Variants in TMEM163 observed in about 807,000 individuals in gnomAD.
The protein encoded by TMEM163 is transmembrane protein 163.
TMEM163 carries 17 observed loss-of-function variants against 29.3 expected under a neutral mutation model. The ratio of observed to expected loss-of-function variants is 0.58; its 90% CI spans 0.40 to 0.87. The LOEUF (loss-of-function observed/expected upper bound fraction) is 0.87. TMEM163 is among the 40% of genes least tolerant of loss of function. The probability of loss-of-function intolerance (pLI) is 0.00; values close to 1 mark genes in which losing one functional copy is unlikely to be tolerated. For synonymous variants in TMEM163, 157 were observed against 160.6 expected, an observed-to-expected ratio of 0.98 and a Z score of 0.17; for missense variants, 303 against 381.5, an observed-to-expected ratio of 0.79 and a Z score of 1.71.
intron 4 of TMEM163, among the ~76,000 whole-genome samples, chr2:134,503,249 T>C (rs1320693985): frequency 6.6e-6 from 1 of 152,182 alleles, no homozygotes; most frequent in African/African-American, 2.4e-5. Flanking sequence ...CAGCATACCA[T>C]GAATGCTGTC....
chr2:134,488,522 G>T (rs112566122), intron 5 of TMEM163, among the ~76,000 whole-genome samples: 10 of 152,104 alleles, frequency 6.6e-5, no homozygotes, highest in Non-Finnish European at 1.0e-4. Context: ...TCAGGTCTTC[G>T]GCCACAGACT....
intron 2 of TMEM163, among the ~76,000 whole-genome samples, chr2:134,687,434 C>T (rs1474044456): frequency 6.6e-6 from 1 of 152,068 alleles, no homozygotes; most frequent in African/African-American, 2.4e-5. Flanking sequence ...TAAACAAAAT[C>T]AATGTTAAAA....
intron 4 of TMEM163, among the ~76,000 whole-genome samples, chr2:134,524,741 TACC>T (rs1315789825): frequency 6.6e-6 from 1 of 150,514 alleles, no homozygotes; most frequent in Non-Finnish European, 1.5e-5. Flanking sequence ...GGTATATATG[TACC>T]ACATTTTCTT....
At position 134,549,103 on chromosome 2, in the gene TMEM163, T is replaced by TAA. The variant is rs35128948; in HGVS notation, c.458+1465_458+1466dup. Among the ~76,000 whole-genome samples, 274 of 144,336 alleles carry TAA rather than the reference T, an allele frequency of 1.9e-3. 1 individual carries two copies. Among genetic ancestry groups the TAA allele is most frequent in the Admixed American group, 4.3e-3 (63 of 14,554 alleles). 94.7% of individuals were successfully genotyped at this position (144,336 alleles called of 152,430 possible). A position where few individuals can be genotyped will look rare whatever the true frequency, so the allele number is the denominator to read the frequency against. ...ATCACAAGTTTGATTCTTAATTTGT[T>TAA]AAAAAAAAAAAAAAACTAATGCCCA... On this transcript the variant is annotated intron_variant, in intron 4 of 7. Coordinates refer to ENST00000281924, the MANE Select transcript of TMEM163 (RefSeq NM_030923.5).
chr2:134,670,740 G>T (rs1350344104), intron 2 of TMEM163, among the ~76,000 whole-genome samples: 2 of 152,188 alleles, frequency 1.3e-5, no homozygotes, highest in Non-Finnish European at 2.9e-5. Context: ...CAAAGACTTG[G>T]CCTTTTAACT....
chr2:134,482,935 C>T (rs1679227559), intron 5 of TMEM163, among the ~76,000 whole-genome samples: 1 of 152,120 alleles, frequency 6.6e-6, no homozygotes, highest in African/African-American at 2.4e-5. Context: ...CCGGCATTTT[C>T]TGGCCGGCTG....
At chr2:134,467,152 G>A (rs1043938751) in intron 5 of TMEM163, 2 of 152,226 alleles carry the variant, frequency 1.3e-5, no homozygotes, top group Non-Finnish European at 2.9e-5. Context: ...ACTGGAAACA[G>A]GGTATCTGTA....
Position 134,713,315 on chromosome 2 carries a change from T to G in TMEM163, c.207A>C (p.Leu69Phe). The G allele has an allele frequency of 2.5e-6, 4 of 1,613,788 alleles. No homozygotes were observed. Among genetic ancestry groups the G allele is most frequent in the Non-Finnish European group, 3.4e-6 (4 of 1,179,948 alleles). Residue 69 changes from leucine (L) to phenylalanine (F), a missense_variant, in exon 2 of 8, where the codon TTA becomes TTC. By Grantham distance (22) the Leu-to-Phe change is conservative. This residue lies in a region of TMEM163 where 100 missense variants were observed against 87.2 expected (regional missense o/e 1.15). Transcript: ENST00000281924. ...GTTTCAGGCGGGTGCTGCTTTCTAG[T>G]AAGCCTGACAAAAACAAGGAGAAAG... ...QFSDGLEDRGLLESSTRLKPH... is the reference protein window; with the variant it reads ...QFSDGLEDRGFLESSTRLKPH...
rs1240279249 is a variant in TMEM163, at chr2:134,514,407, T to TAA, written c.459-11412_459-11411dup. Among the ~76,000 whole-genome samples, 16 of 89,222 alleles carry TAA rather than the reference T, an allele frequency of 1.8e-4. No homozygotes were observed. In the East Asian group the frequency reaches 3.4e-3, roughly 19 times the overall value. 58.5% of individuals were successfully genotyped at this position (89,222 alleles called of 152,430 possible). On this transcript the variant is annotated intron_variant, in intron 4 of 7. Transcript: ENST00000281924. ...TCTTTTTTTTTTTTTTTTTTTTTTT[T>TAA]AAAAAAAGAGGTCTGTACATCAATC...
intron 2 of TMEM163, among the ~76,000 whole-genome samples, chr2:134,677,709 C>T (rs889764772): frequency 6.6e-6 from 1 of 152,184 alleles, no homozygotes; most frequent in Non-Finnish European, 1.5e-5. Flanking sequence ...CCCTGAGATA[C>T]AGAAGAGTAG....
chr2:134,601,145 G>A (rs1192595426), intron 2 of TMEM163, among the ~76,000 whole-genome samples: 11 of 152,118 alleles, frequency 7.2e-5, no homozygotes, highest in Non-Finnish European at 1.5e-4. Context: ...GAGGAAAGAT[G>A]AATATATTAA....
intron 2 of TMEM163, among the ~76,000 whole-genome samples, chr2:134,666,193 G>A: frequency 6.6e-6 from 1 of 151,922 alleles, no homozygotes; most frequent in Non-Finnish European, 1.5e-5. Context: ...TTCCACCATG[G>A]GGCTCACAAC....
At chr2:134,687,604 A>C (rs982019219) in intron 2 of TMEM163, among the ~76,000 whole-genome samples, 2 of 152,224 alleles carry the variant, frequency 1.3e-5, no homozygotes, top group East Asian at 3.8e-4. Flanking sequence ...ACTCGTTCTT[A>C]AATGCCATTC....
Position 134,483,472 on chromosome 2 carries a change from G to A in TMEM163, c.556-17247C>T, listed in dbSNP as rs576225469. ...ACACCAACACCCCAGTATCAAACTAGAGTTGCTTAAGTTACAGTAATAACA... is the reference window on the plus strand; with the variant it reads ...ACACCAACACCCCAGTATCAAACTAAAGTTGCTTAAGTTACAGTAATAACA... On this transcript the variant is annotated intron_variant, in intron 5 of 7. Coordinates refer to ENST00000281924, the MANE Select transcript of TMEM163 (RefSeq NM_030923.5). Among the ~76,000 whole-genome samples the A allele has an allele frequency of 9.2e-5, 14 of 152,266 alleles. No homozygotes were observed. In the East Asian group the frequency reaches 2.7e-3, roughly 29 times the overall value.
chr2:134,505,464 A>G (rs1679802947), intron 4 of TMEM163, among the ~76,000 whole-genome samples: 1 of 152,058 alleles, frequency 6.6e-6, no homozygotes, highest in African/African-American at 2.4e-5. Context: ...ACAGAGGCTG[A>G]GATAGAAGCG....
At chr2:134,625,698 GTTA>G (rs1362919755) in intron 2 of TMEM163, among the ~76,000 whole-genome samples, 1 of 152,220 alleles carries the variant, frequency 6.6e-6, no homozygotes, top group Non-Finnish European at 1.5e-5. Context: ...CATTGCCTAT[GTTA>G]TTCCTGAATA....
At chr2:134,536,712 C>T (rs1439953722) in intron 4 of TMEM163, among the ~76,000 whole-genome samples, 1 of 152,128 alleles carries the variant, frequency 6.6e-6, no homozygotes, top group Non-Finnish European at 1.5e-5. Flanking sequence ...CCGAAGCATA[C>T]TAAGAAAGTC....
At chr2:134,497,719 C>A (rs1359466364) in intron 5 of TMEM163, among the ~76,000 whole-genome samples, 1 of 152,184 alleles carries the variant, frequency 6.6e-6, no homozygotes, top group Non-Finnish European at 1.5e-5. Flanking sequence ...AAGAAACTTG[C>A]TCAGAGAGGA....
chr2:134,607,018 C>T (rs1241353631), intron 2 of TMEM163, among the ~76,000 whole-genome samples: 9 of 134,320 alleles, frequency 6.7e-5, no homozygotes, highest in Non-Finnish European at 1.1e-4. Context: ...AGGACAGACC[C>T]CGAGAACTGT....
Sources: gnomAD v4.1 joint callset for allele counts (sites outside exome capture counted in the v4.1 genomes callset) on GRCh38, gnomAD v4.1.1 for gene constraint, gnomAD v4.1.1 regional missense constraint, MANE v1.5 for transcripts, NCBI Gene and HGNC (gene_info 2026-07-23, HGNC 2026-07-21) for gene names.